Variants in RORA observed in about 807,000 individuals in gnomAD.
RORA encodes RAR related orphan receptor A.
RORA carries 7 observed loss-of-function variants against 69.5 expected under a neutral mutation model. The ratio of observed to expected loss-of-function variants is 0.10; its 90% CI spans 0.06 to 0.19. The LOEUF (loss-of-function observed/expected upper bound fraction) is 0.19, where lower values mean the gene tolerates loss of function less well. Ranked by LOEUF, RORA falls within the 10% of genes least tolerant of loss-of-function variation. The pLI is 1.00. For synonymous variants in RORA, 261 were observed against 240.8 expected (o/e 1.08, Z -0.78); for missense variants, 457 against 663.0 (o/e 0.69, Z 3.41).
chr15:61,112,087 C>T (rs1476321389), intron 1 of RORA, among the ~76,000 whole-genome samples: 1 of 152,168 alleles, frequency 6.6e-6, no homozygotes, highest in Non-Finnish European at 1.5e-5. Context: ...GCTCCACGAA[C>T]TGCTGCCGGT....
At chr15:60,581,759 T>C (rs575824809) in intron 2 of RORA, among the ~76,000 whole-genome samples, 1 of 152,368 alleles carries the variant, frequency 6.6e-6, no homozygotes, top group African/African-American at 2.4e-5. Flanking sequence ...CTGCTGTCTT[T>C]TTGAATAAAT....
intron 1 of RORA, among the ~76,000 whole-genome samples, chr15:60,875,964 G>A (rs1415826691): frequency 1.3e-5 from 2 of 152,094 alleles, no homozygotes; most frequent in South Asian, 4.1e-4. Flanking sequence ...TCAAACTTTT[G>A]CTTGTTTCAC....
At chr15:60,633,718 A>G (rs115976626) in intron 2 of RORA, among the ~76,000 whole-genome samples, 3 of 152,330 alleles carry the variant, frequency 2.0e-5, no homozygotes, top group East Asian at 3.9e-4. Context: ...TTCCCATTGT[A>G]TACAAGGGAA....
At chr15:61,043,101 G>C in intron 1 of RORA, among the ~76,000 whole-genome samples, 1 of 152,222 alleles carries the variant, frequency 6.6e-6, no homozygotes, top group East Asian at 1.9e-4. Flanking sequence ...GTTTTACACA[G>C]ATGATCTCAT....
chr15:60,742,216 C>T lies in RORA; in HGVS notation c.167-63530G>A, dbSNP rs572273993. ...GTCATCCACATTGAATGCTGTTATTCTTTTAAAAAGTGAAAATAACTTCAA... is the reference window on the plus strand; with the variant it reads ...GTCATCCACATTGAATGCTGTTATTTTTTTAAAAAGTGAAAATAACTTCAA... On this transcript the variant is annotated intron_variant, in intron 1 of 10. Transcript: ENST00000335670. Among the ~76,000 whole-genome samples the T allele has an allele frequency of 3.3e-5, 5 of 152,272 alleles. No individual in the cohort carries two copies. The East Asian group carries it at 7.7e-4, about 23-fold the overall frequency.
At chr15:60,872,164 G>C (rs1474235210) in intron 1 of RORA, among the ~76,000 whole-genome samples, 2 of 152,114 alleles carry the variant, frequency 1.3e-5, no homozygotes, top group African/African-American at 4.8e-5. Flanking sequence ...CTGAGGCCCA[G>C]GTCTGTACAT....
At chr15:60,545,027 T>TG (rs2067024751) in intron 2 of RORA, 1 of 152,154 alleles carries the variant, frequency 6.6e-6, no homozygotes, top group Admixed American at 6.6e-5. Context: ...CCAAGCCCAG[T>TG]GGGGTGGCTG....
At chr15:60,652,000 T>G (rs972250895) in intron 2 of RORA, among the ~76,000 whole-genome samples, 5 of 152,214 alleles carry the variant, frequency 3.3e-5, no homozygotes, top group Middle Eastern at 3.4e-3. Flanking sequence ...AAGAGGGGTG[T>G]CCTTTTACCT....
intron 1 of RORA, among the ~76,000 whole-genome samples, chr15:61,111,047 A>G (rs1261953394): frequency 2.0e-5 from 3 of 152,088 alleles, no homozygotes; most frequent in South Asian, 4.1e-4. Context: ...ACCTCCCCCA[A>G]AAAAGGAGAG....
At chr15:60,787,800 G>A (rs2072359047) in intron 1 of RORA, among the ~76,000 whole-genome samples, 1 of 152,342 alleles carries the variant, frequency 6.6e-6, no homozygotes. Context: ...AAGAGCCTAG[G>A]AAACCTTCCC....
chr15:60,685,016 C>T (rs559988417), intron 1 of RORA, among the ~76,000 whole-genome samples: 2 of 152,242 alleles, frequency 1.3e-5, no homozygotes, highest in South Asian at 4.2e-4. Flanking sequence ...TAAGATAATT[C>T]ACGTGGGGCA....
chr15:60,694,429 A>G (rs1047961472), intron 1 of RORA, among the ~76,000 whole-genome samples: 1 of 152,164 alleles, frequency 6.6e-6, no homozygotes. Flanking sequence ...TTGCAGCGTT[A>G]ACTCTTTCAC....
intron 1 of RORA, among the ~76,000 whole-genome samples, chr15:60,833,851 C>T (rs1002986097): frequency 6.6e-6 from 1 of 152,186 alleles, no homozygotes; most frequent in Non-Finnish European, 1.5e-5. Context: ...AGACTTGCCT[C>T]TTGGGTGGCC....
chr15:61,195,886 C>T (rs1033332264), intron 1 of RORA: 3 of 152,216 alleles, frequency 2.0e-5, no homozygotes, highest in African/African-American at 4.8e-5. Context: ...CCACATCCCA[C>T]GAGTGTCAAA....
At chr15:61,138,616 A>C (rs1266844792) in intron 1 of RORA, among the ~76,000 whole-genome samples, 1 of 152,068 alleles carries the variant, frequency 6.6e-6, no homozygotes, top group Non-Finnish European at 1.5e-5. Flanking sequence ...CCTCAGCAAA[A>C]AGCTTGTACC....
chr15:60,863,591 A>T (rs1289728042), intron 1 of RORA, among the ~76,000 whole-genome samples: 1 of 152,218 alleles, frequency 6.6e-6, no homozygotes, highest in East Asian at 1.9e-4. Context: ...TTAGAAAATG[A>T]TTCTCTGCCT....
intron 1 of RORA, among the ~76,000 whole-genome samples, chr15:60,850,425 C>T (rs1295142683): frequency 1.3e-5 from 2 of 152,038 alleles, no homozygotes; most frequent in Admixed American, 6.6e-5. Context: ...AGATGGTACC[C>T]GATTCAAATC....
At chr15:60,845,997 G>A (rs1035132227) in intron 1 of RORA, among the ~76,000 whole-genome samples, 3 of 152,196 alleles carry the variant, frequency 2.0e-5, no homozygotes, top group East Asian at 3.9e-4. Flanking sequence ...CGCTCCCCTC[G>A]GGCTCCCAAA....
intron 1 of RORA, among the ~76,000 whole-genome samples, chr15:60,896,439 A>C (rs1042730217): frequency 3.9e-5 from 6 of 152,214 alleles, no homozygotes; most frequent in Non-Finnish European, 8.8e-5. Context: ...CTTTAAAAAC[A>C]TCCATTTGTC....
Sources: allele counts gnomAD v4.1 joint callset (sites outside exome capture counted in the v4.1 genomes callset), GRCh38; gene constraint gnomAD v4.1.1; transcripts MANE v1.5; gene names NCBI Gene and HGNC (gene_info 2026-07-23, HGNC 2026-07-21).